The following SVEP1 variants were observed in gnomAD, a reference collection of about 807,000 sequenced individuals.
The protein encoded by SVEP1 is sushi, von Willebrand factor type A, EGF and pentraxin domain containing 1.
Under a neutral mutation model 367.3 loss-of-function variants are expected in SVEP1, and 164 were observed. That is an observed-to-expected ratio of 0.45 (90% CI 0.39 to 0.51). SVEP1 has a LOEUF of 0.51. SVEP1 is among the 20% of genes least tolerant of loss of function. The pLI is 0.00. For synonymous variants in SVEP1, 1,666 were observed against 1,611.6 expected, an observed-to-expected ratio of 1.03 and a Z score of -0.81; for missense variants, 4,117 against 4,425.3, an observed-to-expected ratio of 0.93 and a Z score of 1.98.
intron 27 of SVEP1, among the ~76,000 whole-genome samples, 154 bp from the exon 28 acceptor site, chr9:110,436,658 A>G (rs1828434379): frequency 6.6e-6 from 1 of 152,260 alleles, no homozygotes; most frequent in Admixed American, 6.5e-5. Context: ...GGTTTTATCA[A>G]TAAGAACAAA....
At chr9:110,404,186 C>T (rs1827916273) in intron 39 of SVEP1, 141 bp downstream of exon 39, 2 of 772,328 alleles carry the variant, frequency 2.6e-6, no homozygotes, top group Non-Finnish European at 4.1e-6. Flanking sequence ...ATATTTTCTA[C>T]CAAGAAACTT....
At position 110,455,668 on chromosome 9, in the gene SVEP1, G is replaced by A; in HGVS notation, c.3709C>T (p.Pro1237Ser). ...KCETDIDECS[P>S]LPCLNNGVCK... ...ACTCCATTGTTGAGGCAAGGCAGTG[G>A]GCTGCACTCATCGATGTCTGTTTCA... Residue 1237 changes from proline (P) to serine (S), a missense_variant, in exon 22 of 48, where the codon CCA becomes TCA. Around this residue, in one of 4 missense-constraint regions of SVEP1, gnomAD observed 2,174 missense variants for 2,494.3 expected, o/e 0.87. Coordinates refer to ENST00000374469, the MANE Select transcript of SVEP1 (RefSeq NM_153366.4). 1 of 1,612,710 alleles carries A rather than the reference G, an allele frequency of 6.2e-7. No individual in the cohort carries two copies. Among genetic ancestry groups the A allele is most frequent in the Non-Finnish European group, 8.5e-7 (1 of 1,179,326 alleles).
At chr9:110,512,835 A>T (rs1433640122) in intron 5 of SVEP1, 91 bp downstream of exon 5, 3 of 1,472,630 alleles carry the variant, frequency 2.0e-6, no homozygotes, top group Non-Finnish European at 2.8e-6. Context: ...AAATCCAAAA[A>T]GAAATGAAGA....
Position 110,406,993 on chromosome 9 carries a change from C to T in SVEP1, c.8607G>A (p.Arg2869=), listed in dbSNP as rs1309221790. The T allele has an allele frequency of 6.2e-7, 1 of 1,613,964 alleles. No homozygotes were observed. The highest frequency in any genetic ancestry group is 8.5e-7 in the Non-Finnish European group (1 of 1,179,884). The change falls in exon 38 of 48, where the codon AGG becomes AGA. Residue 2869 remains arginine (R), a synonymous_variant. Transcript: ENST00000374469. ...TTCCATTGGCAAGACAAACCCGACTCCTGGCTCCCTCAAGCAAGAACCCTT... is the reference window on the plus strand; with the variant it reads ...TTCCATTGGCAAGACAAACCCGACTTCTGGCTCCCTCAAGCAAGAACCCTT... ...CNEGFLLEGA[R]SRVCLANGSW...
intron 41 of SVEP1, among the ~76,000 whole-genome samples, chr9:110,387,984 ATTTTTGTTTCTTC>A: frequency 6.6e-6 from 1 of 152,246 alleles, no homozygotes; most frequent in East Asian, 1.9e-4. Flanking sequence ...CATGTCCTGT[ATTTTTGTTTCTTC>A]TAAATCTGGC....
At chr9:110,471,911 A>G (rs921134908) in intron 15 of SVEP1, among the ~76,000 whole-genome samples, 22 of 152,214 alleles carry the variant, frequency 1.4e-4, no homozygotes, top group African/African-American at 5.1e-4. Context: ...AAATTCTTGC[A>G]TTTTAAAAGC....
intron 26 of SVEP1, 44 bp from the exon 27 acceptor site, chr9:110,443,764 G>A (rs2118590709): frequency 6.8e-7 from 1 of 1,469,420 alleles, no homozygotes; most frequent in South Asian, 1.5e-5. Context: ...TTAGCCATAT[G>A]TTGCAATCCT....
At chr9:110,413,290 A>G (rs2118511840) in intron 36 of SVEP1, among the ~76,000 whole-genome samples, 1 of 149,276 alleles carries the variant, frequency 6.7e-6, no homozygotes, top group South Asian at 2.2e-4. Context: ...CTATCACAAG[A>G]ACAAAAAACC....
intron 7 of SVEP1, among the ~76,000 whole-genome samples, chr9:110,498,583 T>A (rs556003330): frequency 1.3e-5 from 2 of 152,322 alleles, no homozygotes; most frequent in South Asian, 4.1e-4. Context: ...AGATAGGACA[T>A]TTTTTACTTC....
At chr9:110,400,415 G>A (rs575914921) in intron 40 of SVEP1, among the ~76,000 whole-genome samples, 71 of 151,362 alleles carry the variant, frequency 4.7e-4, no homozygotes, top group African/African-American at 1.6e-3. Flanking sequence ...CTCCCAGGCT[G>A]GAGTGCAGTG....
At chr9:110,373,471 C>T (rs541236355) in intron 46 of SVEP1, among the ~76,000 whole-genome samples, 20 of 152,172 alleles carry the variant, frequency 1.3e-4, no homozygotes, top group African/African-American at 4.6e-4. Flanking sequence ...GTCTTTCCAG[C>T]CTTAGGGTTC....
rs183728683 is a variant in SVEP1, at chr9:110,444,311, C to T, written c.4464-591G>A. Among the ~76,000 whole-genome samples, 6 of 152,246 alleles carry T rather than the reference C, an allele frequency of 3.9e-5. No homozygotes were observed. In the East Asian group the frequency reaches 9.7e-4, roughly 24 times the overall value. On this transcript the variant is annotated intron_variant, in intron 26 of 47. Transcript: ENST00000374469. ...GCTCTGAAGAGACCACTTGCACCTTCGCCATGTGAAGACAGAGTAAGAAGG... is the reference window on the plus strand; with the variant it reads ...GCTCTGAAGAGACCACTTGCACCTTTGCCATGTGAAGACAGAGTAAGAAGG...
chr9:110,382,635 C>A (rs1465325857), intron 43 of SVEP1, among the ~76,000 whole-genome samples: 1 of 152,150 alleles, frequency 6.6e-6, no homozygotes, highest in African/African-American at 2.4e-5. Flanking sequence ...TGGGGAAGTT[C>A]TCCTGGGTGA....
At chr9:110,539,673 CAT>C (rs752201551) in intron 3 of SVEP1, among the ~76,000 whole-genome samples, 14 of 150,870 alleles carry the variant, frequency 9.3e-5, no homozygotes, top group Admixed American at 7.3e-4. Flanking sequence ...ATGTACATTA[CAT>C]ATATATATGT....
chr9:110,397,641 C>A (rs1420050082), intron 40 of SVEP1, among the ~76,000 whole-genome samples: 4 of 152,170 alleles, frequency 2.6e-5, no homozygotes, highest in Non-Finnish European at 5.9e-5. Flanking sequence ...GCAACTTCAG[C>A]AAAGTCTCAG....
At chr9:110,562,459 A>T (rs901116984) in intron 1 of SVEP1, among the ~76,000 whole-genome samples, 1 of 152,194 alleles carries the variant, frequency 6.6e-6, no homozygotes, top group Non-Finnish European at 1.5e-5. Context: ...AATTATTCAC[A>T]TGCTAATGTC....
At chr9:110,400,787 T>C in intron 40 of SVEP1, 67 bp downstream of exon 40, 1 of 1,491,262 alleles carries the variant, frequency 6.7e-7, no homozygotes, top group Non-Finnish European at 9.0e-7. Context: ...TTTGTGCTAA[T>C]ACTGAAAGTA....
Position 110,579,409 on chromosome 9 carries a change from A to G in SVEP1, c.135T>C (p.Ser45=). Residue 45 remains serine (S), a synonymous_variant, in exon 1 of 48, where the codon AGT becomes AGC. Transcript: ENST00000374469. The surrounding 1 kb of genome is among the most constrained non-coding windows in gnomAD (Gnocchi z 5.3). ...CGCCAGGAGCGGGCGGCGCGGGGAT[A>G]CTCCCGGGGGCCCCGGGCGCGGTCT... ...FPETAPGAPG[S]IPAPPAPGDE... 1 of 1,576,918 alleles carries G rather than the reference A, an allele frequency of 6.3e-7. No homozygotes were observed. Among genetic ancestry groups the G allele is most frequent in the Non-Finnish European group, 8.6e-7 (1 of 1,162,718 alleles).
chr9:110,390,274 CTTATATATAT>C lies in SVEP1; in HGVS notation c.9823-697_9823-688del, dbSNP rs1249813821. ...ACTTATATAAGTATGTATATATATACTTATATATATACATACTTATATATACTTATATAAG... is the reference window on the plus strand; with the variant it reads ...ACTTATATAAGTATGTATATATATACACATACTTATATATACTTATATAAG... On this transcript the variant is annotated intron_variant, in intron 40 of 47. Transcript: ENST00000374469. 3.5e-3 allele frequency among the ~76,000 whole-genome samples: 317 copies of C among 90,536 alleles called. 6 individuals carry two copies. The highest frequency in any genetic ancestry group is 0.03 in the East Asian group (101 of 3,358). The allele number at this position is 90,536 out of a possible 152,430, so 59.4% of individuals were successfully genotyped here.
Sources: gnomAD v4.1 joint callset for allele counts (sites outside exome capture counted in the v4.1 genomes callset) on GRCh38, gnomAD v4.1.1 for gene constraint, gnomAD v4.1.1 regional missense constraint, Gnocchi (gnomAD v3.1) non-coding constraint, MANE v1.5 for transcripts, NCBI Gene and HGNC (gene_info 2026-07-23, HGNC 2026-07-21) for gene names.